Variants in KLK12 observed in about 807,000 individuals in gnomAD.
The protein encoded by KLK12 is kallikrein-12.
Under a neutral mutation model 20.0 loss-of-function variants are expected in KLK12, and 23 were observed. The ratio of observed to expected loss-of-function variants is 1.15; its 90% CI spans 0.83 to 1.63. The LOEUF (loss-of-function observed/expected upper bound fraction) is 1.63, where lower values mean the gene tolerates loss of function less well. Among genes scored for constraint, KLK12 ranks in the 40% most tolerant of loss-of-function variants. The pLI is 0.00. For missense variants in KLK12, 351 were observed against 338.6 expected, an observed-to-expected ratio of 1.04 and a Z score of -0.29; for synonymous variants, 147 against 141.9, an observed-to-expected ratio of 1.04 and a Z score of -0.25.
Position 51,029,456 on chromosome 19 carries a change from C to A in KLK12, c.593G>T (p.Gly198Val). The part of the protein sequence containing the change: ...GGVPGQDACQ[G>V]DSGGPLVCGG... ...ACACACCAGGGGGCCCCCAGAATCACCCTGGAAGGGAAGAGAAGTACTGTC... is the reference window on the plus strand; with the variant it reads ...ACACACCAGGGGGCCCCCAGAATCAACCTGGAAGGGAAGAGAAGTACTGTC... The change falls in exon 6 of 6, where the codon GGT (glycine) becomes GTT (valine). Residue 198 changes from glycine to valine, a missense_variant and splice_region_variant. Physicochemically the swap from Gly to Val is moderately radical, Grantham distance 109 (BLOSUM62 -3). Transcript: ENST00000684732. The A allele has an allele frequency of 6.2e-7, 1 of 1,609,324 alleles. No homozygotes were observed. Among genetic ancestry groups the A allele is most frequent in the Non-Finnish European group, 8.5e-7 (1 of 1,175,690 alleles).
intron 5 of KLK12, 146 bp from the exon 6 acceptor site, chr19:51,029,603 A>G (rs2091531860): frequency 1.4e-6 from 1 of 690,070 alleles, no homozygotes; most frequent in East Asian, 2.7e-5. Context: ...CCCGGAGGAC[A>G]ATGGCAATGG....
At chr19:51,032,176 C>G in intron 3 of KLK12, 41 bp from the exon 4 acceptor site, 3 of 1,550,040 alleles carry the variant, frequency 1.9e-6, no homozygotes, top group Non-Finnish European at 2.6e-6. Flanking sequence ...GGCACGCAGT[C>G]CCCCACCTTG....
chr19:51,034,170 G>A (rs1291195772), intron 2 of KLK12, 31 bp from the exon 3 acceptor site: 2 of 1,550,852 alleles, frequency 1.3e-6, no homozygotes, highest in East Asian at 2.4e-5. Flanking sequence ...GGGTCAGAGA[G>A]AGGAAGAAAA....
At chr19:51,034,759 C>G in intron 1 of KLK12, 47 bp downstream of exon 1, 1 of 1,526,166 alleles carries the variant, frequency 6.6e-7, no homozygotes, top group Non-Finnish European at 8.8e-7. Flanking sequence ...TCTACCTGCT[C>G]CCCTGTGTGT....
chr19:51,033,943 A>G (rs750087505), intron 3 of KLK12, 37 bp downstream of exon 3: 4 of 1,598,708 alleles, frequency 2.5e-6, no homozygotes, highest in Non-Finnish European at 2.6e-6. Context: ...TTGCCTTCCC[A>G]TAGTCCTCCC....
At chr19:51,032,827 C>T (rs892172493) in intron 3 of KLK12, among the ~76,000 whole-genome samples, 2 of 152,100 alleles carry the variant, frequency 1.3e-5, no homozygotes, top group Admixed American at 6.5e-5. Flanking sequence ...CATGATTGAA[C>T]GAGTGGGTTG....
chr19:51,032,776 G>A lies in KLK12; in HGVS notation c.198-641C>T, dbSNP rs1192431603. Among the ~76,000 whole-genome samples, 4 of 152,076 alleles carry A rather than the reference G, an allele frequency of 2.6e-5. No homozygotes were observed. In the South Asian group the frequency reaches 6.2e-4, roughly 24 times the overall value. On this transcript the variant is annotated intron_variant, in intron 3 of 5. Transcript: ENST00000684732. Reference sequence around the variant, plus strand: ...CTGCCTTATTCCCACCGCCTGGCACGGAGCATGTGCCCTCCATGCTCATGC... The same window carrying A: ...CTGCCTTATTCCCACCGCCTGGCACAGAGCATGTGCCCTCCATGCTCATGC...
chr19:51,029,676 C>A (rs931276810), intron 5 of KLK12, among the ~76,000 whole-genome samples: 8 of 152,226 alleles, frequency 5.3e-5, no homozygotes, highest in African/African-American at 1.7e-4. Flanking sequence ...GGTGGAACTC[C>A]ATAAAGGACA....
chr19:51,029,201 AC>A lies in KLK12; in HGVS notation c.*100del. 1 of 1,614,164 alleles carries A rather than the reference AC, an allele frequency of 6.2e-7. No individual in the cohort carries two copies. Among genetic ancestry groups the A allele is most frequent in the Non-Finnish European group, 8.5e-7 (1 of 1,180,026 alleles). On this transcript the variant is annotated 3_prime_UTR_variant, in exon 6 of 6. Coordinates refer to ENST00000684732, the MANE Select transcript of KLK12 (RefSeq NM_001370125.1). ...AAAGTTCCAAGAAGTTCCCAGGCCAACAAGAGTGGAGCTAGGGGAAGTGATG... is the reference window on the plus strand; with the variant it reads ...AAAGTTCCAAGAAGTTCCCAGGCCAAAAGAGTGGAGCTAGGGGAAGTGATG...
intron 4 of KLK12, chr19:51,031,663 G>C: frequency 1.6e-6 from 1 of 636,244 alleles, no homozygotes; most frequent in Non-Finnish European, 2.8e-6. Context: ...TCTGACCTCT[G>C]ATCCCTGACT....
At position 51,032,381 on chromosome 19, in the gene KLK12, C is replaced by CTTTT. The variant is rs869282785; in HGVS notation, c.198-250_198-247dup. Among the ~76,000 whole-genome samples the CTTTT allele has an allele frequency of 2.9e-4, 34 of 115,284 alleles. 1 individual carries two copies. Among genetic ancestry groups the CTTTT allele is most frequent in the African/African-American group, 1.2e-3 (33 of 28,436 alleles). 75.6% of individuals were successfully genotyped at this position (115,284 alleles called of 152,430 possible). ...CCCTGCATCTGTGTCTCTCTCTCTC[C>CTTTT]TTTTTTTTTTTTTTTTTTTTTTCAA... On this transcript the variant is annotated intron_variant, in intron 3 of 5. Coordinates refer to ENST00000684732, the MANE Select transcript of KLK12 (RefSeq NM_001370125.1).
intron 5 of KLK12, 61 bp from the exon 6 acceptor site, chr19:51,029,518 C>T (rs2091530730): frequency 7.4e-7 from 1 of 1,353,766 alleles, no homozygotes; most frequent in Non-Finnish European, 1.1e-6. Context: ...TTTTCCTCCC[C>T]AACCCTTCAA....
chr19:51,033,623 T>TA (rs937663919), intron 3 of KLK12, among the ~76,000 whole-genome samples: 10 of 149,894 alleles, frequency 6.7e-5, no homozygotes, highest in African/African-American at 7.4e-5. Flanking sequence ...CTCAAAAAAA[T>TA]AAAAAAAAGA....
chr19:51,032,411 G>A (rs1303529970), intron 3 of KLK12, among the ~76,000 whole-genome samples: 2 of 116,120 alleles, frequency 1.7e-5, no homozygotes, highest in Non-Finnish European at 3.3e-5. Flanking sequence ...TTTCAAGACC[G>A]AGTCTCGCTC....
Position 51,029,269 on chromosome 19 carries a change from T to G in KLK12, c.*33A>C. The G allele has an allele frequency of 6.2e-7, 1 of 1,613,964 alleles. No individual in the cohort carries two copies. The highest frequency in any genetic ancestry group is 8.5e-7 in the Non-Finnish European group (1 of 1,179,960). On this transcript the variant is annotated 3_prime_UTR_variant, in exon 6 of 6. Transcript: ENST00000684732. ...TCTGAGGGCCAGAGGGGTACCCAAG[T>G]TAAGGGGTGGGGGTGGAGGTGGAGG...
In KLK12 at chr19:51,034,089, G is replaced by A. The variant is rs766966626; in HGVS notation, c.88C>T (p.Arg30Cys). ...PKIFNGTECG[R>C]NSQPWQVGLF... is the part of the protein sequence containing the mutation. Reference sequence around the variant, plus strand: ...CCCACCTGCCACGGCTGTGAGTTACGCCCACACTCAGTGCCATTGAAAATC... The same window carrying A: ...CCCACCTGCCACGGCTGTGAGTTACACCCACACTCAGTGCCATTGAAAATC... Residue 30 changes from arginine to cysteine, a missense_variant, in exon 3 of 6, where the codon CGT becomes TGT. Arg to Cys is a radical substitution (Grantham distance 180). Transcript: ENST00000684732. 4.5e-6 allele frequency: 7 copies of A among 1,566,410 alleles called. No homozygotes were observed. The highest frequency in any genetic ancestry group is 1.9e-5 in the Admixed American group (1 of 52,714).
At chr19:51,032,214 C>T in intron 3 of KLK12, 79 bp from the exon 4 acceptor site, 4 of 1,460,306 alleles carry the variant, frequency 2.7e-6, no homozygotes, top group Non-Finnish European at 3.7e-6. Context: ...TCAGGCGCTC[C>T]TGCCGCTCCC....
In KLK12 at chr19:51,029,266, A is replaced by G. The variant is rs1400076554; in HGVS notation, c.*36T>C. ...TGCTCTGAGGGCCAGAGGGGTACCC[A>G]AGTTAAGGGGTGGGGGTGGAGGTGG... On this transcript the variant is annotated 3_prime_UTR_variant, in exon 6 of 6. Transcript: ENST00000684732. 2 of 1,613,934 alleles carry G rather than the reference A, an allele frequency of 1.2e-6. No individual in the cohort carries two copies.
chr19:51,029,479 G>A, intron 5 of KLK12, 22 bp from the exon 6 acceptor site: 1 of 1,579,418 alleles, frequency 6.3e-7, no homozygotes, highest in Middle Eastern at 1.7e-4. Flanking sequence ...GAGAAGTACT[G>A]TCTGAACAAG....
Sources: gnomAD v4.1 joint callset for allele counts (sites outside exome capture counted in the v4.1 genomes callset) on GRCh38, gnomAD v4.1.1 for gene constraint, MANE v1.5 for transcripts, NCBI Gene and HGNC (gene_info 2026-07-23, HGNC 2026-07-21) for gene names.